The following MECOM variants were observed in gnomAD, a reference collection of about 807,000 sequenced individuals.
MECOM encodes the protein histone-lysine N-methyltransferase MECOM.
In MECOM, 13 loss-of-function variants were observed where a neutral mutation model predicts 116.3. The observed-to-expected ratio is 0.11, with a 90% CI of 0.07 to 0.18. MECOM has a LOEUF of 0.18. Ranked by LOEUF, MECOM falls within the 10% of genes least tolerant of loss-of-function variation. The pLI, the probability that MECOM is intolerant of heterozygous loss-of-function variation, is 1.00. For synonymous variants in MECOM, 528 were observed against 535.2 expected (o/e 0.99, Z 0.19); for missense variants, 1,299 against 1,509.0 (o/e 0.86, Z 2.31).
intron 1 of MECOM, among the ~76,000 whole-genome samples, chr3:169,563,569 G>A (rs1762901166): frequency 6.6e-6 from 1 of 152,110 alleles, no homozygotes; most frequent in African/African-American, 2.4e-5. Flanking sequence ...GGAAAGTGGA[G>A]CAAATCTACT....
intron 2 of MECOM, among the ~76,000 whole-genome samples, chr3:169,318,776 C>T (rs1053008307): frequency 2.0e-5 from 3 of 152,034 alleles, no homozygotes; most frequent in South Asian, 4.2e-4. Flanking sequence ...GGGTATATAC[C>T]CAAAGGATTA....
At chr3:169,550,015 G>A (rs1029562615) in intron 1 of MECOM, among the ~76,000 whole-genome samples, 7 of 152,160 alleles carry the variant, frequency 4.6e-5, no homozygotes, top group African/African-American at 1.4e-4. Flanking sequence ...ATACGGATTG[G>A]AAAGATAAGG....
At chr3:169,477,124 TA>T (rs1750589190) in intron 1 of MECOM, 1 of 84,880 alleles carries the variant, frequency 1.2e-5, no homozygotes, top group South Asian at 3.9e-4. Context: ...TATATATATA[TA>T]TATATATATA....
At chr3:169,295,037 T>C (rs570561408) in intron 2 of MECOM, among the ~76,000 whole-genome samples, 55 of 152,276 alleles carry the variant, frequency 3.6e-4, no homozygotes, top group African/African-American at 1.3e-3. Context: ...AAAAAAATGT[T>C]TTCTATCTTA....
chr3:169,293,738 G>T (rs1715057259), intron 2 of MECOM, among the ~76,000 whole-genome samples: 1 of 152,150 alleles, frequency 6.6e-6, no homozygotes, highest in South Asian at 2.1e-4. Context: ...GTCCATGAGG[G>T]TATGGAGTTT....
chr3:169,444,314 C>T (rs1744236499), intron 1 of MECOM, among the ~76,000 whole-genome samples: 1 of 152,156 alleles, frequency 6.6e-6, no homozygotes, highest in Non-Finnish European at 1.5e-5. Context: ...TATGGTTTGG[C>T]TGTGTCCCCA....
intron 2 of MECOM, among the ~76,000 whole-genome samples, chr3:169,354,624 G>A (rs968906360): frequency 1.3e-5 from 2 of 151,900 alleles, no homozygotes; most frequent in Admixed American, 6.6e-5. Flanking sequence ...GAAAATGTGT[G>A]CAAAGTTTAA....
At chr3:169,327,216 T>C (rs1387475191) in intron 2 of MECOM, among the ~76,000 whole-genome samples, 1 of 152,240 alleles carries the variant, frequency 6.6e-6, no homozygotes, top group African/African-American at 2.4e-5. Flanking sequence ...GCATTTATGG[T>C]CATGTATATT....
chr3:169,475,254 A>C (rs1464427672), intron 1 of MECOM, among the ~76,000 whole-genome samples: 2 of 152,234 alleles, frequency 1.3e-5, no homozygotes, highest in African/African-American at 4.8e-5. Context: ...GTCATTTAAT[A>C]TTGAAATAAG....
At chr3:169,482,329 T>TTTTTGTTTTTTTC (rs1553866264) in intron 1 of MECOM, among the ~76,000 whole-genome samples, 1,520 of 19,822 alleles carry the variant, frequency 0.077, 38 homozygotes, top group African/African-American at 0.27. Context: ...ACCCACGTTC[T>TTTTTGTTTTTTTC]TTTTTTTTTT....
In MECOM at chr3:169,115,621, C is replaced by G; in HGVS notation, c.2251G>C (p.Glu751Gln). Residue 751 changes from glutamate to glutamine, a missense_variant, in exon 8 of 17, where the codon GAG (glutamate) becomes CAG (glutamine). By Grantham distance (29) the Glu-to-Gln change is conservative (BLOSUM62 2). Coordinates refer to ENST00000651503, the MANE Select transcript of MECOM (RefSeq NM_004991.4). ...GAGGGGACTGGAGTCAAGGGCTTCTCATCCTTTCGCTTAGTGGTGAGATCA... is the reference window on the plus strand; with the variant it reads ...GAGGGGACTGGAGTCAAGGGCTTCTGATCCTTTCGCTTAGTGGTGAGATCA... ...PFDLTTKRKDEKPLTPVPSKP... is the reference protein window; with the variant it reads ...PFDLTTKRKDQKPLTPVPSKP... 6.2e-7 allele frequency: 1 copy of G among 1,614,140 alleles called. No homozygotes were observed. The highest frequency in any genetic ancestry group is 2.2e-5 in the East Asian group (1 of 44,878).
intron 2 of MECOM, among the ~76,000 whole-genome samples, chr3:169,212,152 T>C (rs902840980): frequency 2.0e-5 from 3 of 152,194 alleles, no homozygotes; most frequent in East Asian, 1.9e-4. Flanking sequence ...AGAATATATC[T>C]AGGAACTACC....
intron 1 of MECOM, among the ~76,000 whole-genome samples, chr3:169,472,284 A>C (rs1210627872): frequency 2.0e-5 from 3 of 150,782 alleles, no homozygotes; most frequent in Non-Finnish European, 2.9e-5. Flanking sequence ...TAAAAAAAAA[A>C]ACAATAATAA....
chr3:169,612,765 G>A (rs1238187451), intron 1 of MECOM, among the ~76,000 whole-genome samples: 2 of 152,126 alleles, frequency 1.3e-5, no homozygotes, highest in Non-Finnish European at 2.9e-5. Context: ...TAAAATACGT[G>A]CTTTCACCTT....
Position 169,116,149 on chromosome 3 carries a change from CACT to C in MECOM, c.1720_1722del (p.Ser574del). ...TCAAGGTCACTACTCTCTGACTGGT[CACT>C]GATTTTCTCAAAGGGCCTCTCTTCA... is the stretch of plus-strand genomic sequence containing the variant. On this transcript the variant is annotated inframe_deletion, in exon 8 of 17. Transcript: ENST00000651503. 6.2e-7 allele frequency: 1 copy of C among 1,614,202 alleles called. No individual in the cohort carries two copies.
chr3:169,367,594 T>C (rs188641952), intron 2 of MECOM, among the ~76,000 whole-genome samples: 1 of 152,104 alleles, frequency 6.6e-6, no homozygotes, highest in African/African-American at 2.4e-5. Flanking sequence ...TCTAGAAACA[T>C]TGTTTCTGTA....
At chr3:169,303,340 G>GATATATATATAT (rs148215690) in intron 2 of MECOM, among the ~76,000 whole-genome samples, 2 of 149,714 alleles carry the variant, frequency 1.3e-5, no homozygotes, top group African/African-American at 4.9e-5. Flanking sequence ...ACTTGAAACA[G>GATATATATATAT]ATATATATAT....
At chr3:169,419,313 T>C (rs1739297454) in intron 1 of MECOM, among the ~76,000 whole-genome samples, 2 of 152,226 alleles carry the variant, frequency 1.3e-5, no homozygotes, top group African/African-American at 4.8e-5. Context: ...AAAATGGCCA[T>C]ACTGCTCAAA....
At chr3:169,654,813 A>AAC (rs10622808) in intron 1 of MECOM, among the ~76,000 whole-genome samples, 2,903 of 147,820 alleles carry the variant, frequency 0.02, 47 homozygotes, top group African/African-American at 0.026. Context: ...CACCTATCAA[A>AAC]ACACACACAC....
Sources: gnomAD v4.1 joint callset for allele counts (sites outside exome capture counted in the v4.1 genomes callset) on GRCh38, gnomAD v4.1.1 for gene constraint, MANE v1.5 for transcripts, NCBI Gene and HGNC (gene_info 2026-07-23, HGNC 2026-07-21) for gene names.